CNTN4: variants seen among roughly 807,000 people sequenced by gnomAD.
CNTN4 encodes the protein contactin 4.
In CNTN4, 77 loss-of-function variants were observed where a neutral mutation model predicts 122.5. The ratio of observed to expected loss-of-function variants is 0.63; its 90% CI spans 0.52 to 0.76. CNTN4 has a LOEUF of 0.76. CNTN4 is among the 30% of genes least tolerant of loss of function. The pLI, the probability that CNTN4 is intolerant of heterozygous loss-of-function variation, is 0.00. For synonymous variants in CNTN4, 512 were observed against 447.0 expected (o/e 1.15, Z -1.83); for missense variants, 1,256 against 1,259.1 (o/e 1.00, Z 0.04).
At chr3:2,424,713 C>G (rs1400468800) in intron 3 of CNTN4, among the ~76,000 whole-genome samples, 1 of 152,194 alleles carries the variant, frequency 6.6e-6, no homozygotes, top group African/African-American at 2.4e-5. Context: ...TTCTCCACAT[C>G]CTCTCCAGTA....
intron 2 of CNTN4, among the ~76,000 whole-genome samples, chr3:2,104,228 ACG>A (rs2032237425): frequency 3.1e-5 from 4 of 129,160 alleles, no homozygotes; most frequent in Non-Finnish European, 6.8e-5. Flanking sequence ...ATTTATGTCT[ACG>A]TGTGTGTGTG....
intron 2 of CNTN4, among the ~76,000 whole-genome samples, chr3:2,291,290 G>A (rs1485426982): frequency 6.6e-6 from 1 of 152,060 alleles, no homozygotes; most frequent in Non-Finnish European, 1.5e-5. Flanking sequence ...ATACATTCTT[G>A]TTCAAATGAA....
chr3:2,692,457 C>A (rs1379808427), intron 4 of CNTN4, among the ~76,000 whole-genome samples: 1 of 152,138 alleles, frequency 6.6e-6, no homozygotes, highest in Non-Finnish European at 1.5e-5. Context: ...GCATTGATTT[C>A]ATCAGTTGTT....
chr3:2,662,671 G>A (rs1172167080), intron 4 of CNTN4, among the ~76,000 whole-genome samples: 1 of 152,116 alleles, frequency 6.6e-6, no homozygotes. Flanking sequence ...GGCAACAGAA[G>A]GTATAGGGAC....
Position 2,108,648 on chromosome 3 carries a change from C to G in CNTN4, c.-145+8009C>G, listed in dbSNP as rs200044350. On this transcript the variant is annotated intron_variant, in intron 2 of 24. Transcript: ENST00000418658. ...AGTTGTGTGATTGTGAGCAAGTGAC[C>G]TAACTTTTCTAGGTTACAGTTTCAT... 3.0e-4 allele frequency among the ~76,000 whole-genome samples: 45 copies of G among 152,270 alleles called. No homozygotes were observed. In the East Asian group the frequency reaches 8.3e-3, roughly 28 times the overall value.
At chr3:2,857,675 G>A (rs1028666945) in intron 7 of CNTN4, among the ~76,000 whole-genome samples, 9 of 152,088 alleles carry the variant, frequency 5.9e-5, no homozygotes, top group Non-Finnish European at 1.0e-4. Flanking sequence ...CCTCCTGGGC[G>A]CAAGCGATCC....
intron 6 of CNTN4, among the ~76,000 whole-genome samples, chr3:2,782,285 T>G (rs184444382): frequency 1.4e-5 from 2 of 147,036 alleles, no homozygotes; most frequent in East Asian, 4.2e-4. Flanking sequence ...TCCATTTAGA[T>G]GGTAGGTGGG....
chr3:2,964,646 G>T (rs1431113964), intron 13 of CNTN4, among the ~76,000 whole-genome samples: 1 of 152,108 alleles, frequency 6.6e-6, no homozygotes, highest in African/African-American at 2.4e-5. Context: ...CTTTAAGTAA[G>T]GAACTAGATA....
At chr3:2,591,984 C>A (rs1576133586) in intron 4 of CNTN4, among the ~76,000 whole-genome samples, 1 of 152,004 alleles carries the variant, frequency 6.6e-6, no homozygotes, top group Admixed American at 6.6e-5. Flanking sequence ...CTCAAGGCAT[C>A]CCCCTCCCTC....
intron 7 of CNTN4, among the ~76,000 whole-genome samples, chr3:2,860,883 A>C (rs899513845): frequency 6.6e-6 from 1 of 152,066 alleles, no homozygotes; most frequent in Non-Finnish European, 1.5e-5. Flanking sequence ...CTACCTGTTT[A>C]TTGTGCACAA....
intron 4 of CNTN4, among the ~76,000 whole-genome samples, chr3:2,640,567 C>A (rs1488658416): frequency 6.6e-6 from 1 of 151,998 alleles, no homozygotes; most frequent in Non-Finnish European, 1.5e-5. Context: ...GGAACACTTA[C>A]AAAGCTAAAC....
At chr3:2,653,225 T>A (rs1466663162) in intron 4 of CNTN4, among the ~76,000 whole-genome samples, 18 of 152,178 alleles carry the variant, frequency 1.2e-4, no homozygotes, top group Admixed American at 9.8e-4. Flanking sequence ...GGACTTTTTT[T>A]ATTTTTATTA....
intron 2 of CNTN4, among the ~76,000 whole-genome samples, chr3:2,153,872 G>A (rs930380314): frequency 2.6e-5 from 4 of 152,118 alleles, no homozygotes; most frequent in African/African-American, 9.7e-5. Context: ...ATGGTATTAG[G>A]TAGACAGCAG....
chr3:2,238,794 C>G lies in CNTN4; in HGVS notation c.-144-100384C>G, dbSNP rs543799577. 4.5e-4 allele frequency: 48 copies of G among 106,840 alleles called. 10 individuals carry two copies. Among genetic ancestry groups the G allele is most frequent in the African/African-American group, 1.5e-3 (46 of 31,564 alleles). 6.6% of individuals were successfully genotyped at this position (106,840 alleles called of 1,614,324 possible). A position where few individuals can be genotyped will look rare whatever the true frequency, so the allele number is the denominator to read the frequency against. On this transcript the variant is annotated intron_variant, in intron 2 of 24. Transcript: ENST00000418658. ...CCAGGCTGGAGTGCGGTGGCGCCAT[C>G]TCGGCTCACTGCAAGCTCCGCCTCC...
At chr3:2,140,175 C>T (rs1462023612) in intron 2 of CNTN4, among the ~76,000 whole-genome samples, 1 of 152,166 alleles carries the variant, frequency 6.6e-6, no homozygotes, top group African/African-American at 2.4e-5. Flanking sequence ...GTCCATTAAA[C>T]CTCTTTTTCT....
chr3:2,914,018 C>T (rs765259034), intron 12 of CNTN4, among the ~76,000 whole-genome samples: 10 of 152,056 alleles, frequency 6.6e-5, no homozygotes, highest in Non-Finnish European at 1.3e-4. Context: ...GGGAAATCCA[C>T]AAATATGTAA....
chr3:2,959,486 A>G (rs977915590), intron 13 of CNTN4, among the ~76,000 whole-genome samples: 1 of 152,116 alleles, frequency 6.6e-6, no homozygotes, highest in Non-Finnish European at 1.5e-5. Flanking sequence ...AATTATGCCT[A>G]TCAACATATT....
intron 13 of CNTN4, among the ~76,000 whole-genome samples, chr3:2,960,090 G>A (rs531227264): frequency 4.6e-5 from 7 of 152,170 alleles, no homozygotes; most frequent in African/African-American, 1.4e-4. Flanking sequence ...TTTTCTTAAC[G>A]TCTGTCACCT....
At chr3:2,735,791 T>C in intron 4 of CNTN4, 1 of 358,200 alleles carries the variant, frequency 2.8e-6, no homozygotes, top group South Asian at 2.2e-5. Flanking sequence ...TCCTTGCTTC[T>C]TTCTAATTTT....
Sources: allele counts gnomAD v4.1 joint callset (sites outside exome capture counted in the v4.1 genomes callset), GRCh38; gene constraint gnomAD v4.1.1; transcripts MANE v1.5; gene names NCBI Gene and HGNC (gene_info 2026-07-23, HGNC 2026-07-21).